The following RAB6B variants were observed in gnomAD, a reference collection of about 807,000 sequenced individuals.
RAB6B encodes the protein ras-related protein Rab-6B.
RAB6B carries 7 observed loss-of-function variants against 31.2 expected under a neutral mutation model. The observed-to-expected ratio is 0.22, with a 90% CI of 0.13 to 0.42. The LOEUF is 0.42. Among genes scored for constraint, RAB6B ranks in the 10% least tolerant of loss-of-function variants. RAB6B has a pLI of 1.00. For missense variants in RAB6B, 149 were observed against 280.6 expected (o/e 0.53, Z 3.35); for synonymous variants, 105 against 104.9 (o/e 1.00, Z -0.01).
intron 1 of RAB6B, among the ~76,000 whole-genome samples, chr3:133,876,510 T>C (rs1287047890): frequency 1.3e-5 from 2 of 152,146 alleles, no homozygotes; most frequent in African/African-American, 2.4e-5. Context: ...GCAAAAGTTA[T>C]GTAAGCTAAA....
intron 1 of RAB6B, among the ~76,000 whole-genome samples, chr3:133,890,653 T>C (rs566577576): frequency 6.6e-6 from 1 of 152,272 alleles, no homozygotes; most frequent in East Asian, 1.9e-4. Flanking sequence ...CTCAACTTCC[T>C]TCACTTTTAA....
At position 133,895,653 on chromosome 3, in the gene RAB6B, G is replaced by GGAGGAGGAGGAGAGA. The variant is rs1936701063; in HGVS notation, c.-202_-188dup. On this transcript the variant is annotated 5_prime_UTR_variant, in exon 1 of 8. Coordinates refer to ENST00000285208, the MANE Select transcript of RAB6B (RefSeq NM_016577.4). The stretch of plus-strand genomic sequence containing the variant: ...CTGCGGCTGCGTGTCCGGCGGCGGA[G>GGAGGAGGAGGAGAGA]GAGGAGGAGGAGAGAGAGGCGGAGG... The GGAGGAGGAGGAGAGA allele has an allele frequency of 1.6e-6, 1 of 609,768 alleles. No homozygotes were observed. The highest frequency in any genetic ancestry group is 2.9e-6 in the Non-Finnish European group (1 of 348,384). 37.8% of individuals were successfully genotyped at this position (609,768 alleles called of 1,614,324 possible). A position where few individuals can be genotyped will look rare whatever the true frequency, so the allele number is the denominator to read the frequency against.
intron 2 of RAB6B, among the ~76,000 whole-genome samples, chr3:133,845,108 C>T (rs966133566): frequency 1.3e-5 from 2 of 152,188 alleles, no homozygotes; most frequent in African/African-American, 4.8e-5. Flanking sequence ...ACCAGAAAGG[C>T]TGGCTTTGGG....
At position 133,895,792 on chromosome 3, in the gene RAB6B, A is replaced by G; in HGVS notation, c.-326T>C. On this transcript the variant is annotated 5_prime_UTR_variant, in exon 1 of 8. Coordinates refer to ENST00000285208, the MANE Select transcript of RAB6B (RefSeq NM_016577.4). ...GAGAGGCGCGGGCGGAGCGGGGCGC[A>G]GGGACGGCGCGCGGGGCGGAGGAGC... 6.0e-6 allele frequency: 2 copies of G among 331,426 alleles called. No individual in the cohort carries two copies. The highest frequency in any genetic ancestry group is 1.1e-5 in the Non-Finnish European group (2 of 183,862). The allele number at this position is 331,426 out of a possible 1,614,324, so 20.5% of individuals were successfully genotyped here. A position where few individuals can be genotyped will look rare whatever the true frequency, so the allele number is the denominator to read the frequency against.
chr3:133,894,207 C>T (rs1410474210), intron 1 of RAB6B, among the ~76,000 whole-genome samples: 3 of 152,238 alleles, frequency 2.0e-5, no homozygotes, highest in African/African-American at 7.2e-5. Flanking sequence ...TCTGCAGAGG[C>T]AGAGCTGGGG....
At chr3:133,889,537 C>A (rs1467061653) in intron 1 of RAB6B, among the ~76,000 whole-genome samples, 1 of 150,744 alleles carries the variant, frequency 6.6e-6, no homozygotes, top group Non-Finnish European at 1.5e-5. Flanking sequence ...CGGGTTCAAG[C>A]GATTCTCCTG....
chr3:133,895,589 C>A lies in RAB6B; in HGVS notation c.-123G>T. On this transcript the variant is annotated 5_prime_UTR_variant, in exon 1 of 8. Transcript: ENST00000285208. ...GAGCCGGAGGGGGAAGGGCTGGCTGCGCGCGTCCCTGACTCCCCAGCTGCG... is the reference window on the plus strand; with the variant it reads ...GAGCCGGAGGGGGAAGGGCTGGCTGAGCGCGTCCCTGACTCCCCAGCTGCG... The A allele has an allele frequency of 3.2e-6, 3 of 947,360 alleles. No homozygotes were observed. The South Asian group carries it at 4.6e-5, about 14-fold the overall frequency. 58.7% of individuals were successfully genotyped at this position (947,360 alleles called of 1,614,324 possible). A position where few individuals can be genotyped will look rare whatever the true frequency, so the allele number is the denominator to read the frequency against.
At position 133,864,656 on chromosome 3, in the gene RAB6B, A is replaced by G; in HGVS notation, c.71-14T>C. 1.2e-6 allele frequency: 2 copies of G among 1,612,566 alleles called. No homozygotes were observed. The highest frequency in any genetic ancestry group is 1.7e-6 in the Non-Finnish European group (2 of 1,178,504). On this transcript the variant is annotated splice_polypyrimidine_tract_variant and intron_variant, in intron 1 of 7. Coordinates refer to ENST00000285208, the MANE Select transcript of RAB6B (RefSeq NM_016577.4). ...ACGTCTTCCCGACTGCAAAACAACA[A>G]GGAGAGAGGTGTTCAGTCATGGCAT...
intron 7 of RAB6B, among the ~76,000 whole-genome samples, chr3:133,829,846 C>T (rs956091631): frequency 6.6e-6 from 1 of 152,182 alleles, no homozygotes; most frequent in African/African-American, 2.4e-5. Context: ...AACAACCATG[C>T]GGCCATGGCA....
intron 5 of RAB6B, 101 bp downstream of exon 5, chr3:133,839,405 A>C: frequency 9.7e-7 from 1 of 1,029,822 alleles, no homozygotes; most frequent in Non-Finnish European, 1.5e-6. Flanking sequence ...GCATGGTCAG[A>C]AGCACAGACA....
intron 2 of RAB6B, among the ~76,000 whole-genome samples, chr3:133,862,226 T>G (rs1000286894): frequency 6.6e-6 from 1 of 152,098 alleles, no homozygotes; most frequent in Non-Finnish European, 1.5e-5. Flanking sequence ...GGCCTCTTGA[T>G]CTGATGGGTC....
chr3:133,863,245 C>T (rs1936188914), intron 2 of RAB6B, among the ~76,000 whole-genome samples: 1 of 152,184 alleles, frequency 6.6e-6, no homozygotes, highest in Admixed American at 6.5e-5. Context: ...CAGACCATAG[C>T]AGAGTAGAAG....
At chr3:133,883,699 T>C (rs1197951471) in intron 1 of RAB6B, among the ~76,000 whole-genome samples, 1 of 152,244 alleles carries the variant, frequency 6.6e-6, no homozygotes. Flanking sequence ...CTGTTTAGTC[T>C]ATGCAGTGTT....
rs774717347 is a variant in RAB6B, at chr3:133,828,778, C to A, written c.*10G>T. On this transcript the variant is annotated 3_prime_UTR_variant, in exon 8 of 8. Coordinates refer to ENST00000285208, the MANE Select transcript of RAB6B (RefSeq NM_016577.4). ...AGGAGTGTCATGGGAAGCCACAGGT[C>A]GGCTCTGCATTAGCAGGAGCAGCCG... The A allele has an allele frequency of 6.2e-7, 1 of 1,603,528 alleles. No individual in the cohort carries two copies. The highest frequency in any genetic ancestry group is 1.1e-5 in the South Asian group (1 of 90,828).
chr3:133,840,783 C>T (rs1025697195), intron 4 of RAB6B, among the ~76,000 whole-genome samples: 1 of 151,876 alleles, frequency 6.6e-6, no homozygotes, highest in East Asian at 1.9e-4. Flanking sequence ...GCCTGAAGAG[C>T]CACAGTACTG....
intron 1 of RAB6B, chr3:133,885,692 C>T: frequency 1.4e-6 from 1 of 695,142 alleles, no homozygotes; most frequent in South Asian, 1.5e-5. Context: ...GACAGGGGAG[C>T]TTAAAGGGGC....
intron 1 of RAB6B, among the ~76,000 whole-genome samples, chr3:133,890,448 T>C (rs1936621578): frequency 6.6e-6 from 1 of 152,054 alleles, no homozygotes; most frequent in Admixed American, 6.6e-5. Context: ...CTACTAAAAA[T>C]ACAAAAATTA....
intron 7 of RAB6B, among the ~76,000 whole-genome samples, chr3:133,830,675 A>G (rs115509371): frequency 1.6e-3 from 248 of 152,250 alleles, no homozygotes; most frequent in African/African-American, 5.8e-3. Context: ...AGTGGGGAGT[A>G]AAAGAGCCAC....
chr3:133,842,279 C>T (rs1055958150), intron 2 of RAB6B, among the ~76,000 whole-genome samples: 1 of 152,258 alleles, frequency 6.6e-6, no homozygotes, highest in Non-Finnish European at 1.5e-5. Context: ...TCCCCTGTGC[C>T]ACACCTATGC....
Sources: allele counts gnomAD v4.1 joint callset (sites outside exome capture counted in the v4.1 genomes callset), GRCh38; gene constraint gnomAD v4.1.1; transcripts MANE v1.5; gene names NCBI Gene and HGNC (gene_info 2026-07-23, HGNC 2026-07-21).